Variants in BCAT1 observed in about 807,000 individuals in gnomAD.
The protein encoded by BCAT1 is branched chain amino acid transaminase 1.
Under a neutral mutation model 52.4 loss-of-function variants are expected in BCAT1, and 48 were observed. The observed-to-expected ratio is 0.92, with a 90% CI of 0.73 to 1.16. The LOEUF is 1.16. Ranked by LOEUF, BCAT1 falls within the 50% of genes most tolerant of loss-of-function variation. BCAT1 has a pLI of 0.00. For missense variants in BCAT1, 451 were observed against 457.1 expected (o/e 0.99, Z 0.12); for synonymous variants, 167 against 161.3 (o/e 1.04, Z -0.27).
chr12:24,912,240 C>T (rs969884694), intron 1 of BCAT1, among the ~76,000 whole-genome samples: 9 of 152,082 alleles, frequency 5.9e-5, no homozygotes, highest in Non-Finnish European at 4.4e-5. Flanking sequence ...GAGGGCTGGG[C>T]GCAGTGGCTC....
chr12:24,940,745 GAA>G (rs748118765), intron 1 of BCAT1, among the ~76,000 whole-genome samples: 1 of 152,202 alleles, frequency 6.6e-6, no homozygotes, highest in Non-Finnish European at 1.5e-5. Flanking sequence ...GTAGGTGCCA[GAA>G]CTCTCCACAG....
rs997888240 is a variant in BCAT1, at chr12:24,815,483, T to C, written c.*2525A>G. The C allele has an allele frequency of 6.6e-6, 1 of 152,652 alleles. No homozygotes were observed. Among genetic ancestry groups the C allele is most frequent in the Non-Finnish European group, 1.5e-5 (1 of 68,046 alleles). 9.5% of individuals were successfully genotyped at this position (152,652 alleles called of 1,614,324 possible). ...ATCAATTAGTGTGACAATAACTAAG[T>C]CTTGAAGAATGGATAATTGCCTAGT... On this transcript the variant is annotated 3_prime_UTR_variant, in exon 11 of 11. Transcript: ENST00000261192.
intron 2 of BCAT1, among the ~76,000 whole-genome samples, chr12:24,895,281 C>CT (rs2139655677): frequency 6.6e-6 from 1 of 152,234 alleles, no homozygotes; most frequent in South Asian, 2.1e-4. Flanking sequence ...GAGACCAGCA[C>CT]TTTGGGAAGC....
chr12:24,913,309 C>T (rs958865615), intron 1 of BCAT1, among the ~76,000 whole-genome samples: 6 of 152,186 alleles, frequency 3.9e-5, no homozygotes, highest in Non-Finnish European at 7.3e-5. Flanking sequence ...AAGCCATTTG[C>T]TTATCTACCA....
chr12:24,933,115 T>G (rs1285176715), intron 1 of BCAT1, among the ~76,000 whole-genome samples: 2 of 27,900 alleles, frequency 7.2e-5, no homozygotes, highest in Non-Finnish European at 2.3e-4. Flanking sequence ...TGGCCTTTTT[T>G]TTTTTTTTTT....
chr12:24,826,740 T>G (rs1940414487), intron 10 of BCAT1, among the ~76,000 whole-genome samples: 1 of 152,208 alleles, frequency 6.6e-6, no homozygotes, highest in Non-Finnish European at 1.5e-5. Flanking sequence ...ATAGTCATTT[T>G]AACAAAATTA....
intron 1 of BCAT1, chr12:24,902,305 C>A (rs1792876608): frequency 7.8e-7 from 1 of 1,284,260 alleles, no homozygotes; most frequent in Non-Finnish European, 9.8e-7. Flanking sequence ...CACAGACGCA[C>A]AATAGCAAGC....
chr12:24,924,794 T>C (rs941426723), intron 1 of BCAT1, among the ~76,000 whole-genome samples: 8 of 152,202 alleles, frequency 5.3e-5, no homozygotes, highest in African/African-American at 1.7e-4. Flanking sequence ...TATGACATGA[T>C]CTCTCTGAAT....
In BCAT1 at chr12:24,818,019, C is replaced by A. The variant is rs748490658; in HGVS notation, c.1150G>T (p.Val384Leu). 177 of 1,612,960 alleles carry A rather than the reference C, an allele frequency of 1.1e-4. No homozygotes were observed. The highest frequency in any genetic ancestry group is 1.4e-4 in the Non-Finnish European group (166 of 1,179,386). ...CCTCTATTTTCCATTCAGGATAGCACAATTGTCCAGTCGCTCTCTTCTCTT... is the reference window on the plus strand; with the variant it reads ...CCTCTATTTTCCATTCAGGATAGCAAAATTGTCCAGTCGCTCTCTTCTCTT... ...YGREESDWTIVLS is the reference protein window; with the variant it reads ...YGREESDWTILLS The change falls in exon 11 of 11, where the codon GTG becomes TTG. Residue 384 changes from valine to leucine, a missense_variant. Physicochemically the swap from Val to Leu is conservative, Grantham distance 32 (BLOSUM62 1). Coordinates refer to ENST00000261192, the MANE Select transcript of BCAT1 (RefSeq NM_005504.7).
intron 3 of BCAT1, among the ~76,000 whole-genome samples, chr12:24,894,057 A>G (rs11047692): frequency 0.065 from 9,915 of 152,244 alleles, 417 homozygotes; most frequent in Non-Finnish European, 0.088. Context: ...TAATTTTTTT[A>G]TTGACGTCAC....
intron 3 of BCAT1, among the ~76,000 whole-genome samples, chr12:24,893,012 T>A (rs1001497109): frequency 1.3e-5 from 2 of 152,244 alleles, no homozygotes; most frequent in African/African-American, 4.8e-5. Context: ...ATTTTGTGGA[T>A]ACATATGGAC....
chr12:24,828,310 T>C (rs1940494627), intron 10 of BCAT1, among the ~76,000 whole-genome samples: 1 of 152,234 alleles, frequency 6.6e-6, no homozygotes, highest in South Asian at 2.1e-4. Flanking sequence ...TAATCTCTTT[T>C]CTGAGTAGCC....
intron 6 of BCAT1, among the ~76,000 whole-genome samples, chr12:24,846,697 C>T (rs1941353813): frequency 6.6e-6 from 1 of 152,156 alleles, no homozygotes. Context: ...GCTCTAAAAT[C>T]TAAAACTTTT....
intron 5 of BCAT1, among the ~76,000 whole-genome samples, chr12:24,867,337 CT>C (rs35488171): frequency 0.56 from 72,024 of 128,742 alleles, 19,134 homozygotes; most frequent in East Asian, 0.78. Context: ...TCGAAAATAT[CT>C]TTTTTTTTTT....
At chr12:24,907,741 G>A (rs1337113691) in intron 1 of BCAT1, among the ~76,000 whole-genome samples, 1 of 152,142 alleles carries the variant, frequency 6.6e-6, no homozygotes, top group Non-Finnish European at 1.5e-5. Flanking sequence ...CCTTGAGAAT[G>A]TACTTTGTAA....
At chr12:24,852,448 G>T (rs1186423196) in intron 5 of BCAT1, among the ~76,000 whole-genome samples, 1 of 144,828 alleles carries the variant, frequency 6.9e-6, no homozygotes, top group Non-Finnish European at 1.5e-5. Flanking sequence ...CACAAAAATG[G>T]CTGGGACTTT....
intron 5 of BCAT1, among the ~76,000 whole-genome samples, chr12:24,860,001 T>A (rs1036025968): frequency 6.6e-6 from 1 of 152,232 alleles, no homozygotes; most frequent in African/African-American, 2.4e-5. Context: ...GTTTATGTTA[T>A]CAGTAATAAT....
intron 5 of BCAT1, among the ~76,000 whole-genome samples, chr12:24,867,803 A>C (rs1394497915): frequency 6.6e-6 from 1 of 152,148 alleles, no homozygotes; most frequent in Non-Finnish European, 1.5e-5. Flanking sequence ...TCAGGAGTTC[A>C]AGACAAGCCT....
intron 3 of BCAT1, 134 bp from the exon 4 acceptor site, chr12:24,881,545 T>C: frequency 1.7e-6 from 1 of 605,108 alleles, no homozygotes; most frequent in South Asian, 2.1e-5. Context: ...CTTGAGATCA[T>C]TAAATCCAGG....
Sources: allele counts gnomAD v4.1 joint callset (sites outside exome capture counted in the v4.1 genomes callset), GRCh38; gene constraint gnomAD v4.1.1; transcripts MANE v1.5; gene names NCBI Gene and HGNC (gene_info 2026-07-23, HGNC 2026-07-21).